The following GIGYF2 variants were observed in gnomAD, a reference collection of about 807,000 sequenced individuals.
GIGYF2 encodes GRB10-interacting GYF protein 2.
Under a neutral mutation model 208.1 loss-of-function variants are expected in GIGYF2, and 25 were observed. That is an observed-to-expected ratio of 0.12 (90% CI 0.09 to 0.17). The LOEUF (loss-of-function observed/expected upper bound fraction) is 0.17. Ranked by LOEUF, GIGYF2 falls within the 10% of genes least tolerant of loss-of-function variation. The probability of loss-of-function intolerance (pLI) is 1.00; values close to 1 mark genes in which losing one functional copy is unlikely to be tolerated. For missense variants in GIGYF2, 1,302 were observed against 1,579.4 expected (o/e 0.82, Z 2.98); for synonymous variants, 534 against 543.8 (o/e 0.98, Z 0.25).
chr2:232,819,777 A>C, intron 20 of GIGYF2, 50 bp from the exon 21 acceptor site: 1 of 766,182 alleles, frequency 1.3e-6, no homozygotes, highest in Non-Finnish European at 2.4e-6. Flanking sequence ...AAATTGAATG[A>C]TAGACCTGAG....
intron 23 of GIGYF2, among the ~76,000 whole-genome samples, chr2:232,842,786 A>G (rs1032703836): frequency 2.6e-5 from 4 of 152,232 alleles, no homozygotes; most frequent in Middle Eastern, 6.8e-3. Flanking sequence ...TCTCTTGTCA[A>G]GCTGGTTGGC....
At chr2:232,836,302 ATATATATATATATATATATATATAT>A (rs1559160529) in intron 22 of GIGYF2, among the ~76,000 whole-genome samples, 1,111 of 21,606 alleles carry the variant, frequency 0.051, 174 homozygotes, top group East Asian at 0.075. Context: ...ATATATATAT[ATATATATATATATATATATATATAT>A]ATACATATAT....
At position 232,847,517 on chromosome 2, in the gene GIGYF2, A is replaced by AG. The variant is rs775324034; in HGVS notation, c.3630_3631insG (p.Gln1211AlafsTer46). 51,456 of 415,864 alleles carry AG rather than the reference A, an allele frequency of 0.12. 2,012 individuals carry two copies. Among genetic ancestry groups the AG allele is most frequent in the East Asian group, 0.46 (10,748 of 23,588 alleles). 25.8% of individuals were successfully genotyped at this position (415,864 alleles called of 1,614,324 possible). ...AGCAGCGTCAGCAGCAGCAGCTGCC[A>AG]CAGCAGCAGCAGCAGCAGCCGCCAC... On this transcript the variant is annotated frameshift_variant, in exon 27 of 29. Coordinates refer to ENST00000373563, the MANE Select transcript of GIGYF2 (RefSeq NM_001103146.3). LOFTEE classifies it high-confidence loss of function.
At chr2:232,730,187 T>G in intron 2 of GIGYF2, 2 of 1,449,936 alleles carry the variant, frequency 1.4e-6, no homozygotes, top group Non-Finnish European at 1.9e-6. Flanking sequence ...TTTTCAGGTC[T>G]CTGAAATCCA....
At chr2:232,711,773 C>T (rs898560828) in intron 2 of GIGYF2, among the ~76,000 whole-genome samples, 3 of 143,824 alleles carry the variant, frequency 2.1e-5, no homozygotes, top group South Asian at 2.4e-4. Flanking sequence ...TGCAGATATT[C>T]TTTGATATTA....
In GIGYF2 at chr2:232,816,859, G is replaced by GTA; in HGVS notation, c.2209-11_2209-10insAT. On this transcript the variant is annotated splice_polypyrimidine_tract_variant and intron_variant, in intron 19 of 28. Transcript: ENST00000373563. Reference sequence around the variant, plus strand: ...GTTTCAAGTTTCTAAGAGTACTCTTGTGTAATCACAGCTAGAGCAAGAGAG... The same window carrying GTA: ...GTTTCAAGTTTCTAAGAGTACTCTTGTATGTAATCACAGCTAGAGCAAGAGAG... 6.2e-7 allele frequency: 1 copy of GTA among 1,606,838 alleles called. No individual in the cohort carries two copies. The highest frequency in any genetic ancestry group is 8.5e-7 in the Non-Finnish European group (1 of 1,173,396).
At chr2:232,738,977 A>C (rs1697857146) in intron 3 of GIGYF2, among the ~76,000 whole-genome samples, 1 of 152,300 alleles carries the variant, frequency 6.6e-6, no homozygotes, top group Non-Finnish European at 1.5e-5. Flanking sequence ...TAGGTCTTTT[A>C]GAGTTTTTTT....
intron 8 of GIGYF2, among the ~76,000 whole-genome samples, chr2:232,763,280 T>C (rs1343245500): frequency 1.3e-5 from 2 of 152,138 alleles, no homozygotes; most frequent in African/African-American, 4.8e-5. Context: ...ATTAGTCTCA[T>C]AATAAAATGA....
intron 8 of GIGYF2, among the ~76,000 whole-genome samples, chr2:232,784,311 ATAAAATGAAATTT>A (rs1699824643): frequency 6.6e-6 from 1 of 152,126 alleles, no homozygotes; most frequent in African/African-American, 2.4e-5. Flanking sequence ...CAAAAATTAA[ATAAAATGAAATTT>A]TAAATTTAGC....
intron 9 of GIGYF2, chr2:232,788,662 T>G: frequency 2.3e-6 from 1 of 425,978 alleles, no homozygotes; most frequent in Non-Finnish European, 5.0e-6. Flanking sequence ...AAAGGGAGTT[T>G]AACAAAGTAC....
intron 8 of GIGYF2, chr2:232,771,121 A>T: frequency 6.2e-7 from 1 of 1,614,134 alleles, no homozygotes. Flanking sequence ...ATCACCATTC[A>T]TCTCAGCCAG....
At chr2:232,756,934 T>C (rs1359045949) in intron 6 of GIGYF2, among the ~76,000 whole-genome samples, 1 of 152,244 alleles carries the variant, frequency 6.6e-6, no homozygotes. Context: ...TTTTCTCCTA[T>C]ATGACGACAT....
chr2:232,809,934 C>T, intron 16 of GIGYF2, 123 bp downstream of exon 16: 1 of 712,690 alleles, frequency 1.4e-6, no homozygotes, highest in Non-Finnish European at 2.6e-6. Context: ...TTCAGTCACC[C>T]AGCTAGTGGC....
intron 9 of GIGYF2, among the ~76,000 whole-genome samples, chr2:232,787,544 G>T (rs1699953316): frequency 6.6e-6 from 1 of 152,084 alleles, no homozygotes; most frequent in South Asian, 2.1e-4. Flanking sequence ...TTTTTCTGGG[G>T]CAAATAGTGT....
intron 2 of GIGYF2, among the ~76,000 whole-genome samples, chr2:232,731,823 C>G (rs961966483): frequency 9.9e-5 from 15 of 152,128 alleles, no homozygotes; most frequent in Admixed American, 9.8e-4. Context: ...GGAATACTGC[C>G]AAGAAGGCTC....
chr2:232,742,787 C>T (rs930733198), intron 3 of GIGYF2, among the ~76,000 whole-genome samples: 2 of 152,058 alleles, frequency 1.3e-5, no homozygotes, highest in Admixed American at 6.6e-5. Flanking sequence ...ATTTTTAATC[C>T]AGTGGCTGAT....
chr2:232,738,735 A>T (rs943078254), intron 3 of GIGYF2, among the ~76,000 whole-genome samples: 3 of 152,222 alleles, frequency 2.0e-5, no homozygotes, highest in African/African-American at 7.2e-5. Flanking sequence ...AATGATATGT[A>T]TATATACCCT....
chr2:232,821,865 A>AG (rs1225943710), intron 21 of GIGYF2, among the ~76,000 whole-genome samples: 1 of 151,600 alleles, frequency 6.6e-6, no homozygotes, highest in African/African-American at 2.4e-5. Flanking sequence ...GGGTTGTTCC[A>AG]GTGCCTGTTT....
At chr2:232,755,946 T>G (rs1698520034) in intron 5 of GIGYF2, among the ~76,000 whole-genome samples, 1 of 152,220 alleles carries the variant, frequency 6.6e-6, no homozygotes. Flanking sequence ...GTGTTTAGTT[T>G]GTTTGCTTAT....
Sources: gnomAD v4.1 joint callset for allele counts (sites outside exome capture counted in the v4.1 genomes callset) on GRCh38, gnomAD v4.1.1 for gene constraint, MANE v1.5 for transcripts, NCBI Gene and HGNC (gene_info 2026-07-23, HGNC 2026-07-21) for gene names.